The following RYR2 variants were observed in gnomAD, a reference collection of about 807,000 sequenced individuals.
RYR2 encodes the protein ryanodine receptor 2.
Under a neutral mutation model 601.1 loss-of-function variants are expected in RYR2, and 227 were observed. That is an observed-to-expected ratio of 0.38 (90% CI 0.34 to 0.42). The LOEUF is 0.42. RYR2 is among the 10% of genes least tolerant of loss of function. The pLI is 1.00. For missense variants in RYR2, 4,646 were observed against 6,156.5 expected, an observed-to-expected ratio of 0.75 and a Z score of 8.21; for synonymous variants, 2,223 against 2,175.1, an observed-to-expected ratio of 1.02 and a Z score of -0.61.
At chr1:237,441,627 G>C in intron 13 of RYR2, 144 bp downstream of exon 13, 1 of 643,638 alleles carries the variant, frequency 1.6e-6, no homozygotes, top group East Asian at 2.8e-5. Flanking sequence ...CACTGTAATA[G>C]ACTCTTTAGC....
chr1:237,185,997 G>T (rs963038953), intron 1 of RYR2, among the ~76,000 whole-genome samples: 1 of 152,118 alleles, frequency 6.6e-6, no homozygotes, highest in South Asian at 2.1e-4. Flanking sequence ...TCTATCCCTA[G>T]GTCTTAGGCC....
At chr1:237,175,600 G>A (rs1326188074) in intron 1 of RYR2, among the ~76,000 whole-genome samples, 2 of 152,134 alleles carry the variant, frequency 1.3e-5, no homozygotes, top group Admixed American at 1.3e-4. Context: ...AACCATTGAT[G>A]TGAACTCTTT....
At chr1:237,690,350 T>G (rs1289551332) in intron 63 of RYR2, among the ~76,000 whole-genome samples, 2 of 152,208 alleles carry the variant, frequency 1.3e-5, no homozygotes, top group Non-Finnish European at 2.9e-5. Flanking sequence ...CTGCATTTTT[T>G]CATTGTTAAA....
chr1:237,137,076 T>C (rs979008207), intron 1 of RYR2, among the ~76,000 whole-genome samples: 1 of 151,262 alleles, frequency 6.6e-6, no homozygotes, highest in Non-Finnish European at 1.5e-5. Context: ...CCGTAGCCAG[T>C]GGCTCTACCA....
intron 1 of RYR2, among the ~76,000 whole-genome samples, chr1:237,099,367 A>G (rs770869389): frequency 6.6e-6 from 1 of 152,078 alleles, no homozygotes; most frequent in Non-Finnish European, 1.5e-5. Flanking sequence ...CCTCCCAAGT[A>G]GCTGGGACCA....
intron 63 of RYR2, among the ~76,000 whole-genome samples, chr1:237,698,730 T>C (rs908340482): frequency 5.9e-5 from 9 of 152,190 alleles, no homozygotes; most frequent in Non-Finnish European, 1.3e-4. Context: ...TGCTTTTGAA[T>C]GCTTCTTGGG....
chr1:237,246,945 G>T (rs1686912802), intron 1 of RYR2, among the ~76,000 whole-genome samples: 1 of 152,176 alleles, frequency 6.6e-6, no homozygotes, highest in South Asian at 2.1e-4. Flanking sequence ...AGTGGAAGAT[G>T]CATACAAAGT....
chr1:237,568,348 T>C (rs2805391), intron 28 of RYR2, among the ~76,000 whole-genome samples: 89,021 of 152,132 alleles, frequency 0.59, 28,706 homozygotes, highest in Non-Finnish European at 0.71. Context: ...GAAGGTGAGG[T>C]TTAAGAAAAA....
At position 237,202,376 on chromosome 1, in the gene RYR2, G is replaced by A. The variant is rs566974470; in HGVS notation, c.49-68121G>A. ...AAAATCTCAATTTCCCTCAGTGCAT[G>A]TCTTTTACAAATTATACCTGTACTT... is the stretch of plus-strand genomic sequence containing the variant. On this transcript the variant is annotated intron_variant, in intron 1 of 104. Coordinates refer to ENST00000366574, the MANE Select transcript of RYR2 (RefSeq NM_001035.3). 1.4e-4 allele frequency among the ~76,000 whole-genome samples: 21 copies of A among 152,220 alleles called. No homozygotes were observed. The South Asian group carries it at 4.4e-3, about 32-fold the overall frequency.
intron 3 of RYR2, among the ~76,000 whole-genome samples, chr1:237,338,522 A>G (rs1051653537): frequency 3.0e-4 from 45 of 152,350 alleles, no homozygotes; most frequent in African/African-American, 1.1e-3. Context: ...TTGAGTTCCT[A>G]TCGTATTCCA....
rs1240821120 is a variant in RYR2, at chr1:237,614,497, A to G, written c.5369A>G (p.Lys1790Arg). Residue 1790 changes from lysine to arginine, a missense_variant, in exon 37 of 105, where the codon AAA (lysine) becomes AGA (arginine). Lys to Arg is a conservative substitution (Grantham distance 26, BLOSUM62 2). Coordinates refer to ENST00000366574, the MANE Select transcript of RYR2 (RefSeq NM_001035.3). The surrounding 1 kb of genome is among the most constrained non-coding windows in gnomAD (Gnocchi z 4.3). ...TTCCCACTGGACATCCTCAAGTCCA[A>G]AACCATACAGATGCTGACAGAAGCT... The part of the protein sequence containing the change: ...PEFPLDILKS[K>R]TIQMLTEAVK... The G allele has an allele frequency of 1.2e-6, 2 of 1,613,896 alleles. No individual in the cohort carries two copies. The highest frequency in any genetic ancestry group is 3.3e-5 in the Admixed American group (2 of 60,000).
At chr1:237,098,818 G>A (rs944861757) in intron 1 of RYR2, among the ~76,000 whole-genome samples, 1 of 152,204 alleles carries the variant, frequency 6.6e-6, no homozygotes. Flanking sequence ...AGTTTCAGTT[G>A]TGCAGGATGA....
intron 24 of RYR2, among the ~76,000 whole-genome samples, chr1:237,515,128 G>A (rs1339627643): frequency 1.3e-5 from 2 of 152,038 alleles, no homozygotes; most frequent in African/African-American, 4.8e-5. Context: ...TGTATCGTAC[G>A]GTACTGCGAA....
At chr1:237,443,356 T>A (rs1275134964) in intron 13 of RYR2, among the ~76,000 whole-genome samples, 1 of 152,186 alleles carries the variant, frequency 6.6e-6, no homozygotes, top group African/African-American at 2.4e-5. Flanking sequence ...CTGAGGACAG[T>A]TGAAATTGTT....
At chr1:237,098,949 C>A (rs1260728760) in intron 1 of RYR2, among the ~76,000 whole-genome samples, 4 of 152,160 alleles carry the variant, frequency 2.6e-5, no homozygotes, top group African/African-American at 4.8e-5. Context: ...TCTCAGCTAT[C>A]CTTGCCTCTG....
intron 36 of RYR2, 103 bp from the exon 37 acceptor site, chr1:237,613,936 C>T: frequency 9.0e-7 from 1 of 1,105,454 alleles, no homozygotes; most frequent in Non-Finnish European, 1.3e-6. Context: ...ATTCCCATAA[C>T]TTTTTTCCTT....
In RYR2 at chr1:237,634,944, GGAT is replaced by G. The variant is rs1558107327; in HGVS notation, c.6745_6747del (p.Asp2249del). ...TGGATGTGGCTGCAGCTTCGGTGAT[GGAT>G]AATAATGAACTAGCATTAGCTCTGC... On this transcript the variant is annotated inframe_deletion, in exon 44 of 105. Transcript: ENST00000366574. 6.2e-7 allele frequency: 1 copy of G among 1,609,164 alleles called. No homozygotes were observed. Among genetic ancestry groups the G allele is most frequent in the Admixed American group, 1.7e-5 (1 of 59,554 alleles).
intron 63 of RYR2, among the ~76,000 whole-genome samples, chr1:237,698,180 T>C (rs531728146): frequency 1.3e-5 from 2 of 151,222 alleles, no homozygotes; most frequent in East Asian, 2.0e-4. Flanking sequence ...TCAAACTATA[T>C]TGTAAGTGGT....
intron 3 of RYR2, among the ~76,000 whole-genome samples, chr1:237,335,829 G>A (rs114267270): frequency 0.011 from 1,653 of 152,180 alleles, 33 homozygotes; most frequent in African/African-American, 0.037. Flanking sequence ...CCTCATGATC[G>A]TGGGTATTGG....
Sources: gnomAD v4.1 joint callset for allele counts (sites outside exome capture counted in the v4.1 genomes callset) on GRCh38, gnomAD v4.1.1 for gene constraint, Gnocchi (gnomAD v3.1) non-coding constraint, MANE v1.5 for transcripts, NCBI Gene and HGNC (gene_info 2026-07-23, HGNC 2026-07-21) for gene names.